Variants in KCNT2 observed in about 807,000 individuals in gnomAD.
The protein encoded by KCNT2 is potassium sodium-activated channel subfamily T member 2.
A neutral mutation model predicts 153.8 loss-of-function variants in KCNT2; 67 were observed. The observed-to-expected ratio is 0.44, with a 90% CI of 0.36 to 0.53. KCNT2 has a LOEUF of 0.53. Ranked by LOEUF, KCNT2 falls within the 20% of genes least tolerant of loss-of-function variation. KCNT2 has a pLI of 0.00. For missense variants in KCNT2, 975 were observed against 1,354.8 expected (o/e 0.72, Z 4.40); for synonymous variants, 500 against 458.8 (o/e 1.09, Z -1.15).
chr1:196,429,050 C>G (rs1471047587), intron 9 of KCNT2, among the ~76,000 whole-genome samples: 1 of 150,114 alleles, frequency 6.7e-6, no homozygotes, highest in Non-Finnish European at 1.5e-5. Flanking sequence ...TACCTTATAG[C>G]CCAAGCTCAT....
At chr1:196,273,247 TAG>T (rs1658237403) in intron 25 of KCNT2, among the ~76,000 whole-genome samples, 1 of 151,836 alleles carries the variant, frequency 6.6e-6, no homozygotes, top group Non-Finnish European at 1.5e-5. Context: ...AAATACTTCT[TAG>T]AATTTAATCT....
intron 1 of KCNT2, among the ~76,000 whole-genome samples, chr1:196,604,363 A>C (rs1665083811): frequency 6.6e-6 from 1 of 152,234 alleles, no homozygotes; most frequent in Non-Finnish European, 1.5e-5. Flanking sequence ...CCTGAGACAT[A>C]GCAAACATTC....
intron 21 of KCNT2, among the ~76,000 whole-genome samples, chr1:196,311,993 A>G (rs1274642981): frequency 5.3e-5 from 8 of 151,964 alleles, no homozygotes; most frequent in South Asian, 2.1e-4. Context: ...AAAACATGAA[A>G]TGTTTTCCAA....
intron 21 of KCNT2, among the ~76,000 whole-genome samples, chr1:196,315,413 A>T (rs940769272): frequency 1.3e-5 from 2 of 151,692 alleles, no homozygotes. Context: ...ATTAAATTCA[A>T]TGGGTACATT....
chr1:196,293,587 A>G (rs530904513), intron 22 of KCNT2, among the ~76,000 whole-genome samples: 1 of 152,326 alleles, frequency 6.6e-6, no homozygotes, highest in South Asian at 2.1e-4. Flanking sequence ...TGTGCTGGGA[A>G]AACTGGATAT....
At chr1:196,451,217 C>CTTTTTT (rs561944079) in intron 8 of KCNT2, among the ~76,000 whole-genome samples, 3 of 63,510 alleles carry the variant, frequency 4.7e-5, no homozygotes, top group Non-Finnish European at 6.1e-5. Flanking sequence ...ATCCCTCTTT[C>CTTTTTT]TTTTTTTTTT....
chr1:196,473,142 T>C (rs1274848605), intron 5 of KCNT2, among the ~76,000 whole-genome samples: 1 of 152,186 alleles, frequency 6.6e-6, no homozygotes, highest in Admixed American at 6.5e-5. Context: ...GGAAAAGCTT[T>C]ACCTTTCTTT....
chr1:196,384,578 G>A lies in KCNT2; in HGVS notation c.1295-11330C>T, dbSNP rs1669792620. Reference sequence around the variant, plus strand: ...TGGGCATGGTGGTGCACGCTAATGGGTGTAATCCCAGCTACTTGGGAGGCT... The same window carrying A: ...TGGGCATGGTGGTGCACGCTAATGGATGTAATCCCAGCTACTTGGGAGGCT... On this transcript the variant is annotated intron_variant, in intron 13 of 27. Transcript: ENST00000294725. Among the ~76,000 whole-genome samples, 4 of 151,624 alleles carry A rather than the reference G, an allele frequency of 2.6e-5. No homozygotes were observed. The South Asian group carries it at 8.3e-4, about 32-fold the overall frequency.
intron 22 of KCNT2, among the ~76,000 whole-genome samples, chr1:196,295,807 G>A (rs185218359): frequency 9.9e-5 from 15 of 152,056 alleles, no homozygotes; most frequent in African/African-American, 3.4e-4. Context: ...TTTTAAGTTA[G>A]GAAGGCTATA....
At chr1:196,364,331 T>C (rs73067624) in intron 14 of KCNT2, among the ~76,000 whole-genome samples, 17,833 of 152,138 alleles carry the variant, frequency 0.12, 1,142 homozygotes, top group African/African-American at 0.18. Context: ...TTTCCAAACT[T>C]CCTTGAATAC....
At chr1:196,301,712 G>A (rs573134945) in intron 22 of KCNT2, among the ~76,000 whole-genome samples, 118 of 152,188 alleles carry the variant, frequency 7.8e-4, no homozygotes, top group African/African-American at 2.6e-3. Flanking sequence ...AAGTGTGTAA[G>A]CAGCCAAGCT....
chr1:196,258,033 C>T, intron 26 of KCNT2, 161 bp downstream of exon 26: 1 of 1,423,158 alleles, frequency 7.0e-7, no homozygotes, highest in Non-Finnish European at 9.1e-7. Context: ...ATCTTATCAT[C>T]ATCATTTAAA....
At chr1:196,378,915 C>A (rs936639218) in intron 13 of KCNT2, among the ~76,000 whole-genome samples, 2 of 149,728 alleles carry the variant, frequency 1.3e-5, no homozygotes. Context: ...TATTCATTTT[C>A]TCTTTCTTTC....
At chr1:196,582,184 A>G (rs981156952) in intron 1 of KCNT2, among the ~76,000 whole-genome samples, 2 of 152,026 alleles carry the variant, frequency 1.3e-5, no homozygotes, top group African/African-American at 4.8e-5. Context: ...GGCCAAGAAA[A>G]ACAGGGTTCA....
chr1:196,291,732 G>A (rs958933943), intron 22 of KCNT2, among the ~76,000 whole-genome samples: 2 of 152,074 alleles, frequency 1.3e-5, no homozygotes, highest in Admixed American at 1.3e-4. Context: ...AGTTTAATAA[G>A]TTCCATCATT....
intron 5 of KCNT2, 103 bp from the exon 6 acceptor site, chr1:196,469,171 C>T (rs1677870504): frequency 1.5e-6 from 1 of 673,154 alleles, no homozygotes; most frequent in Non-Finnish European, 2.7e-6. Flanking sequence ...AGGATGCTTC[C>T]ATTAACAGAA....
intron 5 of KCNT2, among the ~76,000 whole-genome samples, chr1:196,475,409 G>A (rs542478556): frequency 6.6e-6 from 1 of 152,208 alleles, no homozygotes; most frequent in South Asian, 2.1e-4. Context: ...CTTGAGCCAA[G>A]GAGTTCCAAA....
intron 13 of KCNT2, among the ~76,000 whole-genome samples, chr1:196,387,546 T>C (rs961482243): frequency 2.0e-5 from 3 of 151,986 alleles, no homozygotes; most frequent in African/African-American, 4.8e-5. Context: ...CCCACTAGAA[T>C]GTAAGCTTCA....
At chr1:196,593,313 C>T (rs10801549) in intron 1 of KCNT2, among the ~76,000 whole-genome samples, 85,934 of 115,814 alleles carry the variant, frequency 0.74, 29,833 homozygotes, top group East Asian at 0.86. Flanking sequence ...TATATATATA[C>T]ACACACACAC....
Sources: gnomAD v4.1 joint callset for allele counts (sites outside exome capture counted in the v4.1 genomes callset) on GRCh38, gnomAD v4.1.1 for gene constraint, MANE v1.5 for transcripts, NCBI Gene and HGNC (gene_info 2026-07-23, HGNC 2026-07-21) for gene names.